The following CFAP91 variants were observed in gnomAD, a reference collection of about 807,000 sequenced individuals.
CFAP91 encodes the protein cilia and flagella associated protein 91, also known as cilia- and flagella-associated protein 91.
Under a neutral mutation model 95.9 loss-of-function variants are expected in CFAP91, and 85 were observed. The ratio of observed to expected loss-of-function variants is 0.89; its 90% CI spans 0.74 to 1.06. The LOEUF is 1.06. Ranked by LOEUF, CFAP91 falls within the 50% of genes least tolerant of loss-of-function variation. The pLI, the probability that CFAP91 is intolerant of heterozygous loss-of-function variation, is 0.00. For missense variants in CFAP91, 962 were observed against 943.4 expected (o/e 1.02, Z -0.26); for synonymous variants, 335 against 327.5 (o/e 1.02, Z -0.25).
At chr3:119,711,499 C>T (rs1265834247) in intron 5 of CFAP91, among the ~76,000 whole-genome samples, 1 of 152,194 alleles carries the variant, frequency 6.6e-6, no homozygotes, top group Non-Finnish European at 1.5e-5. Context: ...CAGTGATGAA[C>T]ACCATGACCT....
At chr3:119,756,174 A>G (rs2054423872) in intron 17 of CFAP91, among the ~76,000 whole-genome samples, 1 of 152,160 alleles carries the variant, frequency 6.6e-6, no homozygotes, top group Non-Finnish European at 1.5e-5. Context: ...AAAAAGAAAA[A>G]GAAAAACCTT....
intron 11 of CFAP91, among the ~76,000 whole-genome samples, chr3:119,738,001 C>T (rs1289514799): frequency 1.3e-5 from 2 of 152,196 alleles, no homozygotes; most frequent in Admixed American, 1.3e-4. Flanking sequence ...AACAAATCCA[C>T]AGGAAACTGT....
rs1222872714 is a variant in CFAP91 at position 119,726,273 on chromosome 3, A to G, written c.785A>G (p.Gln262Arg). The change falls in exon 7 of 18, where the codon CAG becomes CGG. Residue 262 changes from glutamine to arginine, a missense_variant. Physicochemically the swap from Gln to Arg is conservative, Grantham distance 43 (BLOSUM62 1). Coordinates refer to ENST00000273390, the MANE Select transcript of CFAP91 (RefSeq NM_033364.4). ...ASLPALSDTSQFEKRRKMMNE... is the reference protein window; with the variant it reads ...ASLPALSDTSRFEKRRKMMNE... ...CTCCCCGCTCTGAGTGACACCTCCC[A>G]GTTTGAGAAGAGGAGGAAAATGATG... 2 of 1,613,866 alleles carry G rather than the reference A, an allele frequency of 1.2e-6. No individual in the cohort carries two copies. The highest frequency in any genetic ancestry group is 3.3e-5 in the Admixed American group (2 of 59,972).
chr3:119,733,596 G>T, intron 10 of CFAP91, 90 bp downstream of exon 10: 2 of 1,327,262 alleles, frequency 1.5e-6, no homozygotes, highest in Non-Finnish European at 2.1e-6. Context: ...TGTCCAGTGG[G>T]TCAAACATAG....
intron 17 of CFAP91, among the ~76,000 whole-genome samples, chr3:119,753,810 C>T (rs1193721730): frequency 6.6e-6 from 1 of 152,194 alleles, no homozygotes; most frequent in Non-Finnish European, 1.5e-5. Context: ...CCCTCATCCC[C>T]TTCCCACTCT....
chr3:119,705,469 G>A (rs748640639), intron 1 of CFAP91, among the ~76,000 whole-genome samples: 1 of 151,972 alleles, frequency 6.6e-6, no homozygotes, highest in African/African-American at 2.4e-5. Flanking sequence ...TTCTTCAGAC[G>A]TATCAGGCAT....
chr3:119,720,031 CA>C (rs1274969081), intron 6 of CFAP91, among the ~76,000 whole-genome samples: 1 of 151,314 alleles, frequency 6.6e-6, no homozygotes, highest in African/African-American at 2.4e-5. Flanking sequence ...CCCAAGATTG[CA>C]CCACTGTGCT....
intron 7 of CFAP91, among the ~76,000 whole-genome samples, chr3:119,728,204 A>G (rs1194445529): frequency 6.6e-6 from 1 of 152,150 alleles, no homozygotes; most frequent in Non-Finnish European, 1.5e-5. Context: ...AGAGCATGGA[A>G]CACTTATAGA....
intron 6 of CFAP91, among the ~76,000 whole-genome samples, chr3:119,721,681 G>A (rs1310049108): frequency 6.6e-6 from 1 of 152,180 alleles, no homozygotes; most frequent in African/African-American, 2.4e-5. Context: ...TATGGCAATA[G>A]CACCCTGGTT....
intron 4 of CFAP91, 25 bp from the exon 5 acceptor site, chr3:119,709,814 A>G (rs200744480): frequency 2.0e-5 from 32 of 1,584,902 alleles, no homozygotes; most frequent in Non-Finnish European, 2.7e-5. Context: ...AGTCCCACAC[A>G]TTTATGTTTT....
At chr3:119,720,374 GC>G (rs2053660194) in intron 6 of CFAP91, among the ~76,000 whole-genome samples, 1 of 148,622 alleles carries the variant, frequency 6.7e-6, no homozygotes, top group South Asian at 2.2e-4. Flanking sequence ...TCCAGCCTGG[GC>G]GACAGAGCAA....
intron 5 of CFAP91, among the ~76,000 whole-genome samples, chr3:119,710,732 T>G (rs1445106204): frequency 3.3e-5 from 5 of 151,916 alleles, no homozygotes; most frequent in African/African-American, 1.2e-4. Context: ...ATTTTATAAC[T>G]TAATAACCAT....
chr3:119,737,315 T>C, intron 10 of CFAP91, 51 bp from the exon 11 acceptor site: 1 of 1,178,202 alleles, frequency 8.5e-7, no homozygotes, highest in African/African-American at 1.6e-5. Flanking sequence ...CTCTTAAATT[T>C]ATGCAAATTT....
Position 119,743,966 on chromosome 3 carries a change from CT to C in CFAP91, c.1681-5del, listed in dbSNP as rs775341811. The stretch of plus-strand genomic sequence containing the variant: ...TTTGTGTCCTTAAAGTTATGTTATT[CT>C]TTTCAAGGTGTCACTGGTTGAAAAC... On this transcript the variant is annotated splice_region_variant and splice_polypyrimidine_tract_variant and intron_variant, in intron 13 of 17. Transcript: ENST00000273390. 35 of 1,587,150 alleles carry C rather than the reference CT, an allele frequency of 2.2e-5. No individual in the cohort carries two copies. The highest frequency in any genetic ancestry group is 2.8e-5 in the Non-Finnish European group (33 of 1,164,294).
Position 119,715,657 on chromosome 3 carries a change from A to G in CFAP91, c.596A>G (p.Asp199Gly). 1.2e-6 allele frequency: 2 copies of G among 1,613,700 alleles called. No individual in the cohort carries two copies. The highest frequency in any genetic ancestry group is 1.7e-6 in the Non-Finnish European group (2 of 1,179,576). Reference sequence around the variant, plus strand: ...ACTCAGACTGATTATCGGGATGCTGACGTTCAAACAGATCCATACTCTGCA... The same window carrying G: ...ACTCAGACTGATTATCGGGATGCTGGCGTTCAAACAGATCCATACTCTGCA... ...VGTQTDYRDA[D>G]VQTDPYSAEY... The change falls in exon 6 of 18, where the codon GAC becomes GGC. Residue 199 changes from aspartate (D) to glycine (G), a missense_variant. Asp to Gly is a moderately conservative substitution (Grantham distance 94). Transcript: ENST00000273390.
intron 6 of CFAP91, among the ~76,000 whole-genome samples, chr3:119,723,462 A>C (rs763545428): frequency 2.0e-5 from 3 of 152,146 alleles, no homozygotes; most frequent in Non-Finnish European, 2.9e-5. Context: ...AAGCAATCTA[A>C]ATGTCATTTG....
chr3:119,731,831 A>T (rs2053903744), intron 8 of CFAP91, among the ~76,000 whole-genome samples: 1 of 152,256 alleles, frequency 6.6e-6, no homozygotes, highest in Admixed American at 6.5e-5. Context: ...CAAACAGTTC[A>T]GAAAGCTGTA....
At chr3:119,715,421 T>A (rs1480228354) in intron 5 of CFAP91, 141 bp from the exon 6 acceptor site, 3 of 779,752 alleles carry the variant, frequency 3.8e-6, no homozygotes, top group Non-Finnish European at 6.7e-6. Context: ...CTGGTTATAA[T>A]GGATTCATGA....
Position 119,744,179 on chromosome 3 carries a change from G to A in CFAP91, c.1885G>A (p.Asp629Asn). 5 of 1,612,642 alleles carry A rather than the reference G, an allele frequency of 3.1e-6. No homozygotes were observed. The highest frequency in any genetic ancestry group is 4.2e-6 in the Non-Finnish European group (5 of 1,179,044). ...GGAAAAACAGCGCCTGCGGGAGGAG[G>A]ACGAGATATTTAAGGAGGCAAGTAG... Reference protein sequence around the residue: ...QVEKQRLREEDEIFKEVVKVH... With the variant: ...QVEKQRLREENEIFKEVVKVH... Residue 629 changes from aspartate (D) to asparagine (N), a missense_variant, in exon 14 of 18, where the codon GAC (aspartate) becomes AAC (asparagine). Physicochemically the swap from Asp to Asn is conservative, Grantham distance 23 (BLOSUM62 1). Transcript: ENST00000273390.
Sources: gnomAD v4.1 joint callset for allele counts (sites outside exome capture counted in the v4.1 genomes callset) on GRCh38, gnomAD v4.1.1 for gene constraint, MANE v1.5 for transcripts, NCBI Gene and HGNC (gene_info 2026-07-23, HGNC 2026-07-21) for gene names.